The following DRC11 variants were observed in gnomAD, a reference collection of about 807,000 sequenced individuals.
DRC11 encodes IQ and AAA domain-containing protein 1.
chr2:236,421,517 T>C, the DRC11 span, among the ~76,000 whole-genome samples: 2 of 151,976 alleles, frequency 1.3e-5, no homozygotes, highest in Non-Finnish European at 2.9e-5. Flanking sequence ...CAGGGAGAAG[T>C]TGAATCTCTG....
At chr2:236,449,145 C>A in the DRC11 span, among the ~76,000 whole-genome samples, 1 of 142,210 alleles carries the variant, frequency 7.0e-6, no homozygotes, top group African/African-American at 3.1e-5. This position sits in a 1 kb window ranked among gnomAD's most constrained non-coding sequence, Gnocchi z 5.1. Flanking sequence ...CAGGCATGAG[C>A]CACTACACCC....
At chr2:236,368,998 T>G in the DRC11 span, 1 of 152,194 alleles carries the variant, frequency 6.6e-6, no homozygotes, top group Non-Finnish European at 1.5e-5. Context: ...ACCAAGAAAA[T>G]TAGTTTGGCT....
chr2:236,367,099 C>T, the DRC11 span, among the ~76,000 whole-genome samples: 26 of 150,206 alleles, frequency 1.7e-4, no homozygotes, highest in African/African-American at 2.4e-5. This position sits in a 1 kb window ranked among gnomAD's most constrained non-coding sequence, Gnocchi z 4.8. Flanking sequence ...GGATTACATG[C>T]GTGAGCCACT....
the DRC11 span, chr2:236,441,140 T>C: frequency 5.3e-6 from 8 of 1,514,540 alleles, no homozygotes; most frequent in Non-Finnish European, 6.3e-6. Context: ...GGAAAAAAAA[T>C]AGCAAATTAA....
the DRC11 span, among the ~76,000 whole-genome samples, chr2:236,372,600 A>ATT: frequency 6.6e-6 from 1 of 152,040 alleles, no homozygotes; most frequent in South Asian, 2.1e-4. The surrounding 1 kb of genome is among the most constrained non-coding windows in gnomAD (Gnocchi z 4.5). Flanking sequence ...ATGAATTAAA[A>ATT]TTATATATAT....
the DRC11 span, among the ~76,000 whole-genome samples, chr2:236,433,790 T>C: frequency 1.3e-5 from 2 of 152,198 alleles, no homozygotes; most frequent in East Asian, 1.9e-4. Context: ...AGGACAATGG[T>C]AAATAATAGT....
the DRC11 span, among the ~76,000 whole-genome samples, chr2:236,401,768 G>C: frequency 2.0e-5 from 3 of 151,866 alleles, no homozygotes; most frequent in Non-Finnish European, 4.4e-5. This position sits in a 1 kb window ranked among gnomAD's most constrained non-coding sequence, Gnocchi z 4.6. Flanking sequence ...GGGGAAGAGA[G>C]GGGGGAAGGG....
At chr2:236,443,581 A>G in the DRC11 span, among the ~76,000 whole-genome samples, 1 of 152,116 alleles carries the variant, frequency 6.6e-6, no homozygotes, top group African/African-American at 2.4e-5. The surrounding 1 kb of genome is among the most constrained non-coding windows in gnomAD (Gnocchi z 4.4). Flanking sequence ...TTAATATTCC[A>G]TGGTGTATAT....
chr2:236,362,671 C>G, the DRC11 span, among the ~76,000 whole-genome samples: 1 of 151,918 alleles, frequency 6.6e-6, no homozygotes, highest in African/African-American at 2.4e-5. The surrounding 1 kb of genome is among the most constrained non-coding windows in gnomAD (Gnocchi z 5.7). Flanking sequence ...GATTAGCGCC[C>G]CAACCCCTGT....
At chr2:236,358,340 TAG>T in the DRC11 span, among the ~76,000 whole-genome samples, 1 of 134,274 alleles carries the variant, frequency 7.4e-6, no homozygotes, top group African/African-American at 3.0e-5. Flanking sequence ...ATATGATATA[TAG>T]ATATATACTA....
the DRC11 span, among the ~76,000 whole-genome samples, chr2:236,360,882 C>T: frequency 6.6e-6 from 1 of 152,222 alleles, no homozygotes; most frequent in African/African-American, 2.4e-5. The surrounding 1 kb of genome is among the most constrained non-coding windows in gnomAD (Gnocchi z 5.8). Context: ...AACGAAGTCT[C>T]TGCAAGTTCA....
chr2:236,488,308 C>G, the DRC11 span: 9 of 662,222 alleles, frequency 1.4e-5, no homozygotes, highest in African/African-American at 1.5e-4. Flanking sequence ...CACGGCTGAT[C>G]ATGAGTGTGA....
chr2:236,440,788 T>C, the DRC11 span, among the ~76,000 whole-genome samples: 4 of 152,060 alleles, frequency 2.6e-5, no homozygotes, highest in African/African-American at 9.7e-5. Flanking sequence ...GCAGCCAAGC[T>C]ACTCAGAATT....
At chr2:236,502,780 C>G in the DRC11 span, among the ~76,000 whole-genome samples, 1 of 151,340 alleles carries the variant, frequency 6.6e-6, no homozygotes, top group African/African-American at 2.4e-5. Context: ...AAGAGACAAA[C>G]CCTGTCTCTA....
At chr2:236,369,020 T>C in the DRC11 span, 1 of 152,248 alleles carries the variant, frequency 6.6e-6, no homozygotes, top group African/African-American at 2.4e-5. This position sits in a 1 kb window ranked among gnomAD's most constrained non-coding sequence, Gnocchi z 4.5. Flanking sequence ...TCTCCATTTG[T>C]CATGAGGACG....
chr2:236,322,395 C>T, the DRC11 span, among the ~76,000 whole-genome samples: 14 of 146,208 alleles, frequency 9.6e-5, no homozygotes, highest in African/African-American at 3.1e-4. Flanking sequence ...CCACCCCACC[C>T]GGCTAATTCT....
At chr2:236,324,619 C>A in the DRC11 span, 2 of 922,290 alleles carry the variant, frequency 2.2e-6, no homozygotes, top group South Asian at 1.4e-5. This position sits in a 1 kb window ranked among gnomAD's most constrained non-coding sequence, Gnocchi z 5.7. Context: ...TCCTCTCCAT[C>A]CCAGAGAGAC....
At chr2:236,337,689 T>C in the DRC11 span, among the ~76,000 whole-genome samples, 1 of 152,192 alleles carries the variant, frequency 6.6e-6, no homozygotes, top group Non-Finnish European at 1.5e-5. The surrounding 1 kb of genome is among the most constrained non-coding windows in gnomAD (Gnocchi z 4.9). Flanking sequence ...TTAAAAAACA[T>C]GTTTCAAAAG....
chr2:236,425,054 G>A, the DRC11 span, among the ~76,000 whole-genome samples: 5 of 151,810 alleles, frequency 3.3e-5, no homozygotes, highest in Admixed American at 6.6e-5. Flanking sequence ...ATGTTTATCC[G>A]TTCATCTACT....
Sources: allele counts gnomAD v4.1 joint callset (sites outside exome capture counted in the v4.1 genomes callset), GRCh38; gene constraint gnomAD v4.1.1; non-coding constraint Gnocchi (gnomAD v3.1); transcripts MANE v1.5; gene names NCBI Gene and HGNC (gene_info 2026-07-23, HGNC 2026-07-21).